MYO16: variants seen among roughly 807,000 people sequenced by gnomAD.
MYO16 encodes the protein myosin XVI.
A neutral mutation model predicts 205.3 loss-of-function variants in MYO16; 94 were observed. The observed-to-expected ratio is 0.46, with a 90% confidence interval of 0.39 to 0.54. The LOEUF (loss-of-function observed/expected upper bound fraction) is 0.54, where lower values mean the gene tolerates loss of function less well. Ranked by LOEUF, MYO16 falls within the 20% of genes least tolerant of loss-of-function variation. MYO16 has a pLI of 0.00. For missense variants in MYO16, 2,315 were observed against 2,387.5 expected (o/e 0.97, Z 0.63); for synonymous variants, 988 against 954.0 (o/e 1.04, Z -0.66).
intron 27 of MYO16, among the ~76,000 whole-genome samples, chr13:109,067,605 C>A (rs994337265): frequency 6.6e-6 from 1 of 152,122 alleles, no homozygotes; most frequent in Non-Finnish European, 1.5e-5. Context: ...CACATCAGGA[C>A]GGCACTGTGA....
intron 17 of MYO16, among the ~76,000 whole-genome samples, chr13:108,961,176 G>T (rs773769026): frequency 2.0e-5 from 3 of 152,150 alleles, no homozygotes; most frequent in African/African-American, 7.2e-5. Flanking sequence ...AGAGGAGGGG[G>T]AGTGAAGTCT....
intron 2 of MYO16, among the ~76,000 whole-genome samples, chr13:108,668,899 A>G (rs1296496372): frequency 2.0e-5 from 3 of 152,028 alleles, no homozygotes; most frequent in Non-Finnish European, 4.4e-5. Flanking sequence ...TCCCTACTAC[A>G]GGGAGTGAGA....
At chr13:108,905,273 G>T (rs961897304) in intron 15 of MYO16, among the ~76,000 whole-genome samples, 7 of 152,132 alleles carry the variant, frequency 4.6e-5, no homozygotes, top group Admixed American at 3.9e-4. Flanking sequence ...GGTCTCCTGT[G>T]TTCCTTTCAG....
chr13:109,013,775 T>C (rs1020519727), intron 22 of MYO16, among the ~76,000 whole-genome samples: 1 of 152,234 alleles, frequency 6.6e-6, no homozygotes, highest in Admixed American at 6.5e-5. Context: ...TTTTGAAAAG[T>C]GTCTGTTCAT....
intron 28 of MYO16, chr13:109,101,595 G>A (rs1016634468): frequency 6.6e-6 from 1 of 152,184 alleles, no homozygotes; most frequent in African/African-American, 2.4e-5. Context: ...AACAACATCA[G>A]AGTCCATCCT....
At chr13:108,839,627 G>A (rs929973777) in intron 9 of MYO16, among the ~76,000 whole-genome samples, 7 of 152,136 alleles carry the variant, frequency 4.6e-5, no homozygotes, top group African/African-American at 1.7e-4. Context: ...TTTGTTGCTT[G>A]CTCAAAAGAT....
At chr13:108,706,424 G>T (rs998499643) in intron 2 of MYO16, among the ~76,000 whole-genome samples, 1 of 152,166 alleles carries the variant, frequency 6.6e-6, no homozygotes, top group South Asian at 2.1e-4. Flanking sequence ...GAATGAAATG[G>T]GTTACAAGTA....
At chr13:109,202,403 G>GGA (rs1234651580) in intron 34 of MYO16, among the ~76,000 whole-genome samples, 7 of 152,114 alleles carry the variant, frequency 4.6e-5, no homozygotes, top group Admixed American at 3.3e-4. Flanking sequence ...TATTCTTGTG[G>GGA]GAGAAAGGTG....
At chr13:109,023,184 TTATA>T (rs1375121536) in intron 23 of MYO16, among the ~76,000 whole-genome samples, 6 of 126,702 alleles carry the variant, frequency 4.7e-5, no homozygotes, top group East Asian at 4.5e-4. Context: ...ATGTATATAT[TTATA>T]TATTATATAT....
chr13:108,712,434 T>C (rs558135752), intron 2 of MYO16, among the ~76,000 whole-genome samples: 20 of 152,368 alleles, frequency 1.3e-4, no homozygotes, highest in Non-Finnish European at 2.9e-4. Flanking sequence ...TCTCATTCAT[T>C]TGCATGATTG....
rs559261880 is a variant in MYO16 at position 109,057,919 on chromosome 13, A to C, written c.3335+2324A>C. Among the ~76,000 whole-genome samples the C allele has an allele frequency of 1.1e-4, 17 of 152,176 alleles. 2 individuals carry two copies. The East Asian group carries it at 3.3e-3, about 29-fold the overall frequency. The stretch of plus-strand genomic sequence containing the variant: ...AGGAAGTGATCCGCGGGGGCCTCAG[A>C]GGGTGATGAGCCTTGAGACGTTACA... On this transcript the variant is annotated intron_variant, in intron 27 of 34. Transcript: ENST00000457511.
chr13:108,654,299 G>A (rs930353212), intron 1 of MYO16, among the ~76,000 whole-genome samples: 6 of 152,046 alleles, frequency 3.9e-5, no homozygotes, highest in African/African-American at 1.4e-4. Context: ...TTTGAATCAC[G>A]GGGGCGGTTT....
the MYO16 span, among the ~76,000 whole-genome samples, chr13:108,555,489 G>A: frequency 3.3e-3 from 500 of 152,252 alleles, 2 homozygotes; most frequent in Middle Eastern, 0.037. Context: ...TTGGATTTCT[G>A]TTTTTCGTTG....
chr13:109,161,821 A>C (rs982966280), intron 32 of MYO16, among the ~76,000 whole-genome samples: 1 of 152,246 alleles, frequency 6.6e-6, no homozygotes, highest in Non-Finnish European at 1.5e-5. Context: ...GTGGCCGAGC[A>C]CAGTGGCTCA....
chr13:108,508,733 C>T, the MYO16 span, among the ~76,000 whole-genome samples: 1 of 152,162 alleles, frequency 6.6e-6, no homozygotes, highest in African/African-American at 2.4e-5. Flanking sequence ...AAAGGCTTTT[C>T]TTATCCATTT....
At chr13:108,934,821 A>G (rs922782849) in intron 16 of MYO16, among the ~76,000 whole-genome samples, 1 of 152,154 alleles carries the variant, frequency 6.6e-6, no homozygotes, top group Non-Finnish European at 1.5e-5. Context: ...ATAGGGGTCC[A>G]TTGTAATTTT....
intron 11 of MYO16, among the ~76,000 whole-genome samples, chr13:108,857,412 C>T (rs1362799629): frequency 6.6e-6 from 1 of 152,152 alleles, no homozygotes; most frequent in African/African-American, 2.4e-5. Context: ...CGTACCTTCT[C>T]CAATTTTTCA....
intron 9 of MYO16, among the ~76,000 whole-genome samples, chr13:108,825,494 A>G (rs1357606374): frequency 6.6e-6 from 1 of 152,022 alleles, no homozygotes; most frequent in Non-Finnish European, 1.5e-5. Flanking sequence ...TTACCCCATA[A>G]GATGAGGACA....
chr13:108,516,056 C>T, the MYO16 span, among the ~76,000 whole-genome samples: 2 of 145,410 alleles, frequency 1.4e-5, no homozygotes, highest in Non-Finnish European at 3.0e-5. Context: ...TGGGCAATGG[C>T]GGGCGCCCCT....
Sources: gnomAD v4.1 joint callset for allele counts (sites outside exome capture counted in the v4.1 genomes callset) on GRCh38, gnomAD v4.1.1 for gene constraint, MANE v1.5 for transcripts, NCBI Gene and HGNC (gene_info 2026-07-23, HGNC 2026-07-21) for gene names.